The following TTC33 variants were observed in gnomAD, a reference collection of about 807,000 sequenced individuals.
TTC33 encodes the protein tetratricopeptide repeat domain 33, also known as tetratricopeptide repeat protein 33.
Under a neutral mutation model 29.4 loss-of-function variants are expected in TTC33, and 24 were observed. That is an observed-to-expected ratio of 0.82 (90% CI 0.59 to 1.15). The LOEUF is 1.15. TTC33 is among the 50% of genes most tolerant of loss of function. The pLI, the probability that TTC33 is intolerant of heterozygous loss-of-function variation, is 0.00. For missense variants in TTC33, 286 were observed against 310.4 expected (o/e 0.92, Z 0.59); for synonymous variants, 107 against 100.3 (o/e 1.07, Z -0.40).
chr5:40,753,139 CG>C (rs1742925627), intron 1 of TTC33, among the ~76,000 whole-genome samples: 1 of 151,844 alleles, frequency 6.6e-6, no homozygotes, highest in Non-Finnish European at 1.5e-5. Context: ...CAGAGGCAGG[CG>C]GATCACCTGA....
At chr5:40,751,436 G>T (rs1317330367) in intron 1 of TTC33, among the ~76,000 whole-genome samples, 1 of 152,202 alleles carries the variant, frequency 6.6e-6, no homozygotes, top group Non-Finnish European at 1.5e-5. Context: ...AGGCTTTGTT[G>T]TTCCATTTAT....
intron 4 of TTC33, among the ~76,000 whole-genome samples, chr5:40,723,856 T>C (rs1742215536): frequency 6.6e-6 from 1 of 151,616 alleles, no homozygotes; most frequent in South Asian, 2.1e-4. Flanking sequence ...CAGAGCAAGA[T>C]TCCCTCTCAA....
intron 4 of TTC33, among the ~76,000 whole-genome samples, chr5:40,722,684 G>A (rs1023456871): frequency 2.0e-5 from 3 of 151,736 alleles, no homozygotes; most frequent in South Asian, 2.1e-4. Context: ...CGCCCAGTCT[G>A]GGAAGTGAGG....
chr5:40,742,278 T>C (rs1055715290), intron 2 of TTC33, among the ~76,000 whole-genome samples: 3 of 152,106 alleles, frequency 2.0e-5, no homozygotes, highest in African/African-American at 4.8e-5. Context: ...AGTGAAGAAA[T>C]ATATAGCCAA....
At chr5:40,717,511 T>C (rs1742028187) in intron 4 of TTC33, among the ~76,000 whole-genome samples, 1 of 152,154 alleles carries the variant, frequency 6.6e-6, no homozygotes, top group African/African-American at 2.4e-5. Flanking sequence ...TTTGGCTGAG[T>C]AATTCTTTAT....
chr5:40,739,944 T>TA (rs955050145), intron 2 of TTC33, among the ~76,000 whole-genome samples: 9 of 152,046 alleles, frequency 5.9e-5, no homozygotes, highest in East Asian at 3.9e-4. Flanking sequence ...TGCTTTTTTT[T>TA]AAAAATAAAG....
chr5:40,750,410 T>C (rs1324607069), intron 1 of TTC33, among the ~76,000 whole-genome samples: 4 of 152,056 alleles, frequency 2.6e-5, no homozygotes, highest in African/African-American at 7.2e-5. Context: ...TTTTAAAAAC[T>C]ATCCAGGCGT....
chr5:40,750,266 T>C (rs750475482), intron 1 of TTC33, among the ~76,000 whole-genome samples: 2 of 151,678 alleles, frequency 1.3e-5, no homozygotes, highest in Non-Finnish European at 2.9e-5. Context: ...GCTGTGACAA[T>C]TTTTTAAAAT....
rs577386081 is a variant in TTC33, at chr5:40,712,547, C to T, written c.*3598G>A. Reference sequence around the variant, plus strand: ...ATATTGAACTTAGAATTAGACAGACCTGCTTACTAAGGCATGGGCAGTTCT... The same window carrying T: ...ATATTGAACTTAGAATTAGACAGACTTGCTTACTAAGGCATGGGCAGTTCT... On this transcript the variant is annotated 3_prime_UTR_variant, in exon 5 of 5. Transcript: ENST00000337702. Among the ~76,000 whole-genome samples the T allele has an allele frequency of 6.6e-6, 1 of 152,256 alleles. No individual in the cohort carries two copies. The highest frequency in any genetic ancestry group is 1.9e-4 in the East Asian group (1 of 5,188).
intron 2 of TTC33, 107 bp downstream of exon 2, chr5:40,746,691 G>C: frequency 2.3e-6 from 2 of 873,812 alleles, no homozygotes. Context: ...ACCTAGAATA[G>C]ATTTTTAAAC....
intron 4 of TTC33, among the ~76,000 whole-genome samples, chr5:40,718,899 A>AAAAT (rs144219327): frequency 1.3e-5 from 2 of 152,122 alleles, no homozygotes; most frequent in African/African-American, 4.8e-5. Flanking sequence ...AGACTGTCTC[A>AAAAT]AAATAAATAA....
At chr5:40,741,287 T>C (rs560451723) in intron 2 of TTC33, among the ~76,000 whole-genome samples, 12 of 151,558 alleles carry the variant, frequency 7.9e-5, no homozygotes, top group African/African-American at 2.7e-4. Context: ...CCTCTAGGGA[T>C]AGTGTAGTCA....
chr5:40,725,226 A>G (rs1742254498), intron 4 of TTC33, among the ~76,000 whole-genome samples: 1 of 151,498 alleles, frequency 6.6e-6, no homozygotes, highest in African/African-American at 2.4e-5. Flanking sequence ...GCCTCAAGCA[A>G]TCCTTCTGCC....
Position 40,714,382 on chromosome 5 carries a change from T to C in TTC33, c.*1763A>G, listed in dbSNP as rs1248460227. 6 of 152,180 alleles carry C rather than the reference T, an allele frequency of 3.9e-5. No homozygotes were observed. Among genetic ancestry groups the C allele is most frequent in the Non-Finnish European group, 7.4e-5 (5 of 68,014 alleles). The allele number at this position is 152,180 out of a possible 1,614,324, so 9.4% of individuals were successfully genotyped here. On this transcript the variant is annotated 3_prime_UTR_variant, in exon 5 of 5. Transcript: ENST00000337702. ...GTGTGAGGCACCATGCAAGGTACTT[T>C]AAATATATTAAGTTCATATAAGAAA...
intron 2 of TTC33, among the ~76,000 whole-genome samples, chr5:40,742,805 A>C (rs1433530997): frequency 6.6e-6 from 1 of 152,216 alleles, no homozygotes; most frequent in Non-Finnish European, 1.5e-5. Context: ...TTGGGTATGA[A>C]ATAAAATACA....
chr5:40,734,779 T>C (rs1742508739), intron 2 of TTC33, among the ~76,000 whole-genome samples: 1 of 152,128 alleles, frequency 6.6e-6, no homozygotes, highest in Non-Finnish European at 1.5e-5. Flanking sequence ...CAACAAGATA[T>C]AAAAGGTCCC....
Position 40,746,818 on chromosome 5 carries a change from G to T in TTC33, c.201C>A (p.Ala67=), listed in dbSNP as rs1409601757. 1.9e-6 allele frequency: 3 copies of T among 1,611,088 alleles called. No individual in the cohort carries two copies. The African/African-American group carries it at 4.0e-5, about 22-fold the overall frequency. Residue 67 remains alanine, a synonymous_variant, in exon 2 of 5, where the codon GCC becomes GCA. Coordinates refer to ENST00000337702, the MANE Select transcript of TTC33 (RefSeq NM_012382.3). ...CATACCTTTTATTTTCAGCCAAACT[G>T]GCTCCTTCATCCTTCAGCTGTTTAC... ...EKSKQLKDEG[A]SLAENKRYRE...
At position 40,713,780 on chromosome 5, in the gene TTC33, T is replaced by A. The variant is rs1479053754; in HGVS notation, c.*2365A>T. ...TCAGAAAGTATATTAAACATCTATA[T>A]CATTATCATGAACATCAATTCTCTT... On this transcript the variant is annotated 3_prime_UTR_variant, in exon 5 of 5. Coordinates refer to ENST00000337702, the MANE Select transcript of TTC33 (RefSeq NM_012382.3). 6.6e-6 allele frequency among the ~76,000 whole-genome samples: 1 copy of A among 152,190 alleles called. No individual in the cohort carries two copies. Among genetic ancestry groups the A allele is most frequent in the Non-Finnish European group, 1.5e-5 (1 of 68,022 alleles).
At chr5:40,741,478 T>A (rs13178704) in intron 2 of TTC33, among the ~76,000 whole-genome samples, 5 of 152,210 alleles carry the variant, frequency 3.3e-5, no homozygotes, top group Non-Finnish European at 5.9e-5. Context: ...AATAGTTGCA[T>A]GGCCTAATGT....
Sources: allele counts gnomAD v4.1 joint callset (sites outside exome capture counted in the v4.1 genomes callset), GRCh38; gene constraint gnomAD v4.1.1; transcripts MANE v1.5; gene names NCBI Gene and HGNC (gene_info 2026-07-23, HGNC 2026-07-21).